Variants in HHAT observed in about 807,000 individuals in gnomAD.
HHAT encodes protein-cysteine N-palmitoyltransferase HHAT.
A neutral mutation model predicts 70.8 loss-of-function variants in HHAT; 47 were observed. That is an observed-to-expected ratio of 0.66 (90% CI 0.53 to 0.85). The LOEUF is 0.85. HHAT is among the 40% of genes least tolerant of loss of function. The pLI is 0.00. For synonymous variants in HHAT, 228 were observed against 247.6 expected, an observed-to-expected ratio of 0.92 and a Z score of 0.74; for missense variants, 609 against 604.8, an observed-to-expected ratio of 1.01 and a Z score of -0.07.
chr1:210,473,641 G>A (rs770619359), intron 8 of HHAT, among the ~76,000 whole-genome samples: 3 of 152,122 alleles, frequency 2.0e-5, no homozygotes, highest in Non-Finnish European at 4.4e-5. Context: ...GAAGGAAGTG[G>A]AGGCTTTACC....
intron 7 of HHAT, among the ~76,000 whole-genome samples, chr1:210,441,831 CACAT>C (rs1275210128): frequency 4.0e-5 from 6 of 151,650 alleles, no homozygotes; most frequent in East Asian, 1.9e-4. Flanking sequence ...TATGTACACA[CACAT>C]ATATACACAC....
At chr1:210,440,857 T>A (rs2093490184) in intron 7 of HHAT, among the ~76,000 whole-genome samples, 1 of 152,180 alleles carries the variant, frequency 6.6e-6, no homozygotes, top group Admixed American at 6.5e-5. Context: ...GGGTACTGAG[T>A]ATCAGTTTCT....
chr1:210,615,590 G>A (rs536164691), intron 10 of HHAT, among the ~76,000 whole-genome samples: 1 of 152,252 alleles, frequency 6.6e-6, no homozygotes, highest in South Asian at 2.1e-4. Flanking sequence ...GGTCTTTGAC[G>A]TTGGTGACGT....
Position 210,602,401 on chromosome 1 carries a change from A to T in HHAT, c.1245+14302A>T, listed in dbSNP as rs956896575. Among the ~76,000 whole-genome samples, 11 of 152,156 alleles carry T rather than the reference A, an allele frequency of 7.2e-5. No homozygotes were observed. In the South Asian group the frequency reaches 8.3e-4, roughly 11 times the overall value. ...ATTAAAGAGCCAAGGCTTGAATAGC[A>T]CACTGGAGAATCAACAGTAGGATTT... On this transcript the variant is annotated intron_variant, in intron 10 of 11. Coordinates refer to ENST00000261458, the MANE Select transcript of HHAT (RefSeq NM_018194.6).
chr1:210,527,308 A>G (rs1412445981), intron 9 of HHAT, among the ~76,000 whole-genome samples: 6 of 152,128 alleles, frequency 3.9e-5, no homozygotes, highest in Non-Finnish European at 8.8e-5. Flanking sequence ...TCAGGCTCCC[A>G]TGGCTGATTG....
intron 7 of HHAT, among the ~76,000 whole-genome samples, chr1:210,459,873 G>A (rs978084785): frequency 6.6e-6 from 1 of 152,170 alleles, no homozygotes; most frequent in African/African-American, 2.4e-5. Context: ...TACTTGGCTG[G>A]GTAGTTCTTG....
intron 7 of HHAT, among the ~76,000 whole-genome samples, chr1:210,441,812 A>C (rs977552365): frequency 6.6e-6 from 1 of 151,874 alleles, no homozygotes; most frequent in Non-Finnish European, 1.5e-5. Flanking sequence ...ACATGTGTAT[A>C]TGTATATATA....
At chr1:210,558,456 C>T (rs754476116) in intron 9 of HHAT, among the ~76,000 whole-genome samples, 15 of 152,156 alleles carry the variant, frequency 9.9e-5, no homozygotes, top group Admixed American at 4.6e-4. Context: ...AGATGCTGGC[C>T]GCCTGCCAGG....
chr1:210,517,446 G>T (rs936663801), intron 9 of HHAT, among the ~76,000 whole-genome samples: 1 of 152,094 alleles, frequency 6.6e-6, no homozygotes, highest in African/African-American at 2.4e-5. Flanking sequence ...ATTGTAGCCA[G>T]CACTGTCTCT....
intron 4 of HHAT, among the ~76,000 whole-genome samples, chr1:210,399,127 C>T (rs144832661): frequency 5.4e-4 from 83 of 152,330 alleles, no homozygotes; most frequent in Middle Eastern, 6.8e-3. Context: ...CTTTTCAATT[C>T]GGTGGTTCCT....
rs376108481 is a variant in HHAT at position 210,407,336 on chromosome 1, T to C, written c.684+2657T>C. 3.3e-5 allele frequency among the ~76,000 whole-genome samples: 5 copies of C among 152,362 alleles called. No individual in the cohort carries two copies. The South Asian group carries it at 1.0e-3, about 32-fold the overall frequency. ...TAAGGATTGGAAATATTGAAATGCA[T>C]GGTTCTTAGACTGGCAGGTCAATGC... On this transcript the variant is annotated intron_variant, in intron 6 of 11. Transcript: ENST00000261458.
At position 210,512,340 on chromosome 1, in the gene HHAT, C is replaced by T. The variant is rs922564498; in HGVS notation, c.1008-813C>T. ...CCAGCCTCTCCCTGCCCCACCCCCC[C>T]TCACCTGCTTCCCTTTGGCTAGTGT... is the stretch of plus-strand genomic sequence containing the variant. On this transcript the variant is annotated intron_variant, in intron 8 of 11. Coordinates refer to ENST00000261458, the MANE Select transcript of HHAT (RefSeq NM_018194.6). 4.6e-5 allele frequency among the ~76,000 whole-genome samples: 7 copies of T among 152,124 alleles called. No individual in the cohort carries two copies. In the East Asian group the frequency reaches 7.7e-4, roughly 17 times the overall value.
In HHAT at chr1:210,386,230, C is replaced by CTTTCTTT. The variant is rs1324452281; in HGVS notation, c.160-1235_160-1234insCTTTTTT. On this transcript the variant is annotated intron_variant, in intron 3 of 11. Coordinates refer to ENST00000261458, the MANE Select transcript of HHAT (RefSeq NM_018194.6). ...ATTGCAGGAGTCCTTTTCTTTTTTT[C>CTTTCTTT]TTTTTTTTTTTTTTTTTTTTTTTTT... Among the ~76,000 whole-genome samples, 17 of 69,926 alleles carry CTTTCTTT rather than the reference C, an allele frequency of 2.4e-4. 1 individual carries two copies. The highest frequency in any genetic ancestry group is 6.3e-4 in the South Asian group (1 of 1,578). The allele number at this position is 69,926 out of a possible 152,430, so 45.9% of individuals were successfully genotyped here.
At chr1:210,541,460 G>T (rs1194237889) in intron 9 of HHAT, among the ~76,000 whole-genome samples, 1 of 152,204 alleles carries the variant, frequency 6.6e-6, no homozygotes, top group East Asian at 1.9e-4. Flanking sequence ...AGCTGCGGTG[G>T]CTCACGCCTG....
rs114844498 is a variant in HHAT, at chr1:210,587,661, C to G, written c.1044-237C>G. Among the ~76,000 whole-genome samples, 467 of 152,284 alleles carry G rather than the reference C, an allele frequency of 3.1e-3. 4 individuals are homozygous for G. The highest frequency in any genetic ancestry group is 0.01 in the African/African-American group (432 of 41,542). On this transcript the variant is annotated intron_variant, in intron 9 of 11. Coordinates refer to ENST00000261458, the MANE Select transcript of HHAT (RefSeq NM_018194.6). ...TGCCTCTTGTAAGTGCTATTTTGCTCTAGTAATGAGAGCTCTTGAGCCTGT... is the reference window on the plus strand; with the variant it reads ...TGCCTCTTGTAAGTGCTATTTTGCTGTAGTAATGAGAGCTCTTGAGCCTGT...
At chr1:210,606,558 T>C (rs914698123) in intron 10 of HHAT, among the ~76,000 whole-genome samples, 1 of 152,222 alleles carries the variant, frequency 6.6e-6, no homozygotes, top group African/African-American at 2.4e-5. Context: ...TTTTCCTACC[T>C]GACTCACTGC....
intron 6 of HHAT, among the ~76,000 whole-genome samples, chr1:210,416,624 A>C (rs2148266666): frequency 6.6e-6 from 1 of 152,310 alleles, no homozygotes. Context: ...GGGCTTTAAA[A>C]ATTTTCATCT....
chr1:210,528,718 AC>A (rs35500476), intron 9 of HHAT, among the ~76,000 whole-genome samples: 40,994 of 151,852 alleles, frequency 0.27, 5,740 homozygotes, highest in East Asian at 0.42. Context: ...GCAATGATGT[AC>A]ATTTTTATAT....
At chr1:210,566,166 A>G (rs910545806) in intron 9 of HHAT, among the ~76,000 whole-genome samples, 7 of 152,246 alleles carry the variant, frequency 4.6e-5, no homozygotes, top group Non-Finnish European at 1.0e-4. Flanking sequence ...TTGCCAAAAA[A>G]TTAGCAAACG....
Sources: allele counts gnomAD v4.1 joint callset (sites outside exome capture counted in the v4.1 genomes callset), GRCh38; gene constraint gnomAD v4.1.1; transcripts MANE v1.5; gene names NCBI Gene and HGNC (gene_info 2026-07-23, HGNC 2026-07-21).